The following MYO18A variants were observed in gnomAD, a reference collection of about 807,000 sequenced individuals.
MYO18A encodes myosin XVIIIA.
Under a neutral mutation model 235.8 loss-of-function variants are expected in MYO18A, and 78 were observed. That is an observed-to-expected ratio of 0.33 (90% CI 0.28 to 0.40). The LOEUF (loss-of-function observed/expected upper bound fraction) is 0.40, where lower values mean the gene tolerates loss of function less well. Among genes scored for constraint, MYO18A ranks in the 10% least tolerant of loss-of-function variants. The pLI is 1.00. For missense variants in MYO18A, 2,215 were observed against 2,699.3 expected, an observed-to-expected ratio of 0.82 and a Z score of 3.98; for synonymous variants, 977 against 1,077.8, an observed-to-expected ratio of 0.91 and a Z score of 1.83.
chr17:29,172,006 G>C (rs546855842), intron 1 of MYO18A, among the ~76,000 whole-genome samples: 1 of 152,258 alleles, frequency 6.6e-6, no homozygotes, highest in African/African-American at 2.4e-5. Context: ...GAAATGGAGG[G>C]TATTCGTTGC....
intron 20 of MYO18A, 35 bp downstream of exon 20, chr17:29,107,045 G>T: frequency 6.3e-7 from 1 of 1,592,836 alleles, no homozygotes; most frequent in Non-Finnish European, 8.6e-7. Context: ...GAGGGGCCTG[G>T]GCAGAGGGAG....
intron 21 of MYO18A, among the ~76,000 whole-genome samples, chr17:29,100,794 T>G (rs1330940268): frequency 1.2e-4 from 19 of 152,138 alleles, no homozygotes; most frequent in Admixed American, 1.0e-3. Context: ...AGACACAGTA[T>G]CCCAAGGCCC....
intron 12 of MYO18A, 103 bp from the exon 13 acceptor site, chr17:29,115,544 G>A: frequency 6.8e-7 from 1 of 1,472,010 alleles, no homozygotes; most frequent in Non-Finnish European, 9.1e-7. Flanking sequence ...GCCTGGGGCA[G>A]GGCCTCTGCC....
At chr17:29,084,664 C>T (rs2066207441) in intron 40 of MYO18A, among the ~76,000 whole-genome samples, 1 of 152,128 alleles carries the variant, frequency 6.6e-6, no homozygotes, top group Non-Finnish European at 1.5e-5. Flanking sequence ...GCTCCAGCGG[C>T]CCTCTATCAC....
At chr17:29,164,008 G>A (rs934595527) in intron 2 of MYO18A, among the ~76,000 whole-genome samples, 7 of 152,214 alleles carry the variant, frequency 4.6e-5, no homozygotes, top group Non-Finnish European at 1.0e-4. Context: ...TCCTGCCTCA[G>A]CCTCCTGAGT....
At chr17:29,123,041 T>C (rs1416748533) in intron 2 of MYO18A, among the ~76,000 whole-genome samples, 2 of 152,204 alleles carry the variant, frequency 1.3e-5, no homozygotes, top group African/African-American at 4.8e-5. Context: ...GCTTACACGT[T>C]ATACAGATGG....
In MYO18A at chr17:29,110,491, G is replaced by A. The variant is rs1302801626; in HGVS notation, c.3032C>T (p.Thr1011Ile). 3.7e-6 allele frequency: 6 copies of A among 1,602,430 alleles called. No homozygotes were observed. In the East Asian group the frequency reaches 9.0e-5, roughly 24 times the overall value. The change falls in exon 18 of 42, where the codon ACA (threonine) becomes ATA (isoleucine). Residue 1011 changes from threonine (T) to isoleucine (I), a missense_variant. Transcript: ENST00000527372. Reference sequence around the variant, plus strand: ...CTTCTTTTTGACAGCCGCCATGCCTGTGGTAAAGGTTTTCCGCATGCTGGT... The same window carrying A: ...CTTCTTTTTGACAGCCGCCATGCCTATGGTAAAGGTTTTCCGCATGCTGGT... ...RATSMRKTFT[T>I]GMAAVKKKSL...
chr17:29,084,886 C>T (rs2066214273), intron 40 of MYO18A, among the ~76,000 whole-genome samples: 2 of 152,158 alleles, frequency 1.3e-5, no homozygotes, highest in Admixed American at 6.5e-5. Flanking sequence ...CATCTGCATC[C>T]GCTGTCCAGC....
chr17:29,167,181 C>A (rs1013702447), intron 1 of MYO18A, among the ~76,000 whole-genome samples, 160 bp from the exon 2 acceptor site: 1 of 152,246 alleles, frequency 6.6e-6, no homozygotes, highest in African/African-American at 2.4e-5. Context: ...TTAATCCTTA[C>A]AACCCTTCTA....
chr17:29,113,981 G>C (rs927158208), intron 15 of MYO18A, 30 bp downstream of exon 15: 33 of 1,539,696 alleles, frequency 2.1e-5, no homozygotes, highest in South Asian at 1.8e-4. Flanking sequence ...GAGAGGAAAG[G>C]CTTGCCCAAA....
chr17:29,107,475 T>G, intron 19 of MYO18A: 1 of 360,038 alleles, frequency 2.8e-6, no homozygotes, highest in East Asian at 5.6e-5. Flanking sequence ...CAGTGAGGTA[T>G]GCAAATGGGG....
Position 29,095,884 on chromosome 17 carries a change from C to T in MYO18A, c.4386-825G>A, listed in dbSNP as rs956848307. 3.3e-5 allele frequency among the ~76,000 whole-genome samples: 5 copies of T among 152,148 alleles called. No individual in the cohort carries two copies. In the East Asian group the frequency reaches 7.7e-4, roughly 24 times the overall value. ...AACTAGGCCGAGCTGGCAATGTCAT[C>T]GGGTGCTCAGAAGGGGGGTCGAGCT... On this transcript the variant is annotated intron_variant, in intron 28 of 41. Coordinates refer to ENST00000527372, the MANE Select transcript of MYO18A (RefSeq NM_078471.4).
chr17:29,146,888 T>C (rs2067859691), intron 2 of MYO18A, among the ~76,000 whole-genome samples: 1 of 152,224 alleles, frequency 6.6e-6, no homozygotes, highest in Non-Finnish European at 1.5e-5. Context: ...TACTCTCACC[T>C]GAAAGAGCTG....
Position 29,166,456 on chromosome 17 carries a change from G to A in MYO18A, c.485C>T (p.Ala162Val). The change falls in exon 2 of 42, where the codon GCC becomes GTC. Residue 162 changes from alanine (A) to valine (V), a missense_variant. Transcript: ENST00000527372. ...ETSTPSEHSAAPSPQVEVRTL... is the reference protein window; with the variant it reads ...ETSTPSEHSAVPSPQVEVRTL... ...CCTCACCTCCACCTGTGGCGAGGGG[G>A]CGGCAGAGTGCTCTGAGGGCGTCGA... The A allele has an allele frequency of 6.2e-7, 1 of 1,613,786 alleles. No individual in the cohort carries two copies. The highest frequency in any genetic ancestry group is 8.5e-7 in the Non-Finnish European group (1 of 1,179,882).
At chr17:29,156,500 T>C (rs934339799) in intron 2 of MYO18A, among the ~76,000 whole-genome samples, 4 of 151,940 alleles carry the variant, frequency 2.6e-5, no homozygotes, top group Non-Finnish European at 5.9e-5. Flanking sequence ...TGGGTGGAGA[T>C]GGGACACGCT....
intron 2 of MYO18A, among the ~76,000 whole-genome samples, chr17:29,155,879 T>A (rs2068055994): frequency 6.6e-6 from 1 of 152,112 alleles, no homozygotes; most frequent in Non-Finnish European, 1.5e-5. Context: ...GCCCTACAGC[T>A]CCAGAAGCCC....
chr17:29,167,078 C>CA, intron 1 of MYO18A, 57 bp from the exon 2 acceptor site: 2 of 1,250,614 alleles, frequency 1.6e-6, no homozygotes, highest in South Asian at 3.3e-5. Flanking sequence ...CATGTGTCTC[C>CA]AGTCCAGACA....
At chr17:29,142,174 C>T (rs1167741120) in intron 2 of MYO18A, among the ~76,000 whole-genome samples, 2 of 152,206 alleles carry the variant, frequency 1.3e-5, no homozygotes, top group African/African-American at 4.8e-5. Context: ...CCTCGTGATC[C>T]GCCCGCCTTG....
At chr17:29,093,081 G>A (rs573436773) in intron 32 of MYO18A, 80 bp from the exon 33 acceptor site, 124 of 1,508,116 alleles carry the variant, frequency 8.2e-5, no homozygotes, top group Admixed American at 6.1e-4. Context: ...TCCTCACCAC[G>A]TCCTCATTAT....
Sources: gnomAD v4.1 joint callset for allele counts (sites outside exome capture counted in the v4.1 genomes callset) on GRCh38, gnomAD v4.1.1 for gene constraint, MANE v1.5 for transcripts, NCBI Gene and HGNC (gene_info 2026-07-23, HGNC 2026-07-21) for gene names.